Variants in DROSHA observed in about 807,000 individuals in gnomAD.
DROSHA encodes the protein drosha ribonuclease III.
Under a neutral mutation model 181.9 loss-of-function variants are expected in DROSHA, and 56 were observed. That is an observed-to-expected ratio of 0.31 (90% CI 0.25 to 0.38). The LOEUF (loss-of-function observed/expected upper bound fraction) is 0.38. DROSHA is among the 10% of genes least tolerant of loss of function. DROSHA has a pLI of 1.00. For missense variants in DROSHA, 1,218 were observed against 1,743.5 expected (o/e 0.70, Z 5.37); for synonymous variants, 524 against 591.2 (o/e 0.89, Z 1.65).
At chr5:31,446,446 C>CAAA (rs60001713) in intron 23 of DROSHA, among the ~76,000 whole-genome samples, 12 of 59,308 alleles carry the variant, frequency 2.0e-4, no homozygotes, top group South Asian at 1.6e-3. Context: ...GACTCTGTCT[C>CAAA]AAAAAAAAAA....
intron 33 of DROSHA, among the ~76,000 whole-genome samples, chr5:31,407,881 A>C (rs1740842838): frequency 6.6e-6 from 1 of 152,168 alleles, no homozygotes; most frequent in Non-Finnish European, 1.5e-5. Context: ...TCTGATGAGG[A>C]AATGCTATGA....
At chr5:31,437,761 G>A (rs766805567) in intron 23 of DROSHA, among the ~76,000 whole-genome samples, 17 of 152,008 alleles carry the variant, frequency 1.1e-4, no homozygotes, top group Non-Finnish European at 2.2e-4. Context: ...TGTAATCTAC[G>A]TTTTCAGTCT....
intron 4 of DROSHA, 97 bp downstream of exon 4, chr5:31,528,943 A>C: frequency 6.8e-7 from 1 of 1,476,524 alleles, no homozygotes; most frequent in Non-Finnish European, 9.3e-7. Context: ...CCCTCTCCCC[A>C]TGTATCTAAA....
chr5:31,404,586 A>G (rs149218185), intron 35 of DROSHA, among the ~76,000 whole-genome samples: 729 of 152,286 alleles, frequency 4.8e-3, no homozygotes, highest in Non-Finnish European at 8.7e-3. Flanking sequence ...GCATAATAGA[A>G]TTGCACTGTC....
intron 11 of DROSHA, among the ~76,000 whole-genome samples, chr5:31,501,543 C>A (rs1455121165): frequency 6.6e-6 from 1 of 152,006 alleles, no homozygotes; most frequent in Non-Finnish European, 1.5e-5. Flanking sequence ...CCTTAAGGAT[C>A]TGAAGGATAT....
chr5:31,453,638 C>G (rs1747295015), intron 20 of DROSHA, among the ~76,000 whole-genome samples: 1 of 152,184 alleles, frequency 6.6e-6, no homozygotes, highest in Admixed American at 6.5e-5. Context: ...CTACACTTTA[C>G]TTCCTTGCTT....
intron 9 of DROSHA, among the ~76,000 whole-genome samples, chr5:31,510,676 AG>A (rs1197163907): frequency 6.6e-6 from 1 of 152,198 alleles, no homozygotes; most frequent in Non-Finnish European, 1.5e-5. Context: ...TCATCAAACC[AG>A]GCGCACCTGG....
intron 13 of DROSHA, 104 bp from the exon 14 acceptor site, chr5:31,486,666 G>A (rs1457648700): frequency 1.1e-6 from 1 of 887,272 alleles, no homozygotes; most frequent in Non-Finnish European, 1.7e-6. Context: ...AAATGAGAAG[G>A]CTTCACCTTC....
At chr5:31,405,763 GATTC>G in intron 34 of DROSHA, 40 bp from the exon 35 acceptor site, 1 of 424,716 alleles carries the variant, frequency 2.4e-6, no homozygotes, top group Non-Finnish European at 3.7e-6. Flanking sequence ...TTAATTTCAA[GATTC>G]TTTTTTTTTT....
chr5:31,410,616 C>A, intron 31 of DROSHA, 130 bp downstream of exon 31: 2 of 1,334,750 alleles, frequency 1.5e-6, no homozygotes, highest in Non-Finnish European at 2.0e-6. Flanking sequence ...TGGTAAAAAG[C>A]ATAAAAAATT....
intron 16 of DROSHA, among the ~76,000 whole-genome samples, chr5:31,479,645 T>C (rs1750791355): frequency 6.6e-6 from 1 of 152,004 alleles, no homozygotes; most frequent in Non-Finnish European, 1.5e-5. Flanking sequence ...ACAAAAATCA[T>C]CAAGAAGATC....
chr5:31,493,172 G>C (rs377434547), intron 13 of DROSHA, 35 bp downstream of exon 13: 5 of 1,577,596 alleles, frequency 3.2e-6, no homozygotes, highest in Non-Finnish European at 4.3e-6. Flanking sequence ...GGAGGTACAA[G>C]GAAAGAGAAA....
intron 5 of DROSHA, among the ~76,000 whole-genome samples, chr5:31,522,695 T>C (rs1445513124): frequency 6.6e-6 from 1 of 152,188 alleles, no homozygotes; most frequent in African/African-American, 2.4e-5. Context: ...AGTTCTCCAG[T>C]AGCTACACAT....
At chr5:31,474,879 G>A (rs1280301317) in intron 16 of DROSHA, among the ~76,000 whole-genome samples, 1 of 152,176 alleles carries the variant, frequency 6.6e-6, no homozygotes, top group Admixed American at 6.5e-5. Context: ...ACCCAACCAC[G>A]ATGATGCCCT....
At chr5:31,415,884 C>A (rs551684226) in intron 30 of DROSHA, among the ~76,000 whole-genome samples, 1 of 152,168 alleles carries the variant, frequency 6.6e-6, no homozygotes, top group Admixed American at 6.5e-5. Flanking sequence ...CTACTGCATA[C>A]ACCAACCTAA....
intron 20 of DROSHA, among the ~76,000 whole-genome samples, chr5:31,459,241 T>C (rs1748059715): frequency 6.6e-6 from 1 of 152,028 alleles, no homozygotes; most frequent in African/African-American, 2.4e-5. Flanking sequence ...TAATAAAATA[T>C]AATACTAGCC....
At chr5:31,405,386 A>AG (rs993389841) in intron 35 of DROSHA, among the ~76,000 whole-genome samples, 1 of 151,910 alleles carries the variant, frequency 6.6e-6, no homozygotes, top group African/African-American at 2.4e-5. Flanking sequence ...AAAAAAAAAA[A>AG]AAAGAAAGAA....
chr5:31,410,539 T>C (rs1248115626), intron 31 of DROSHA, among the ~76,000 whole-genome samples: 1 of 152,192 alleles, frequency 6.6e-6, no homozygotes, highest in Non-Finnish European at 1.5e-5. Context: ...CCACTGAACA[T>C]AGATTGAACA....
chr5:31,502,905 T>G (rs568783281), intron 11 of DROSHA, among the ~76,000 whole-genome samples: 85 of 152,232 alleles, frequency 5.6e-4, no homozygotes, highest in African/African-American at 1.9e-3. Flanking sequence ...AGAAGTGGCC[T>G]GAAGTTAGAA....
Sources: gnomAD v4.1 joint callset for allele counts (sites outside exome capture counted in the v4.1 genomes callset) on GRCh38, gnomAD v4.1.1 for gene constraint, MANE v1.5 for transcripts, NCBI Gene and HGNC (gene_info 2026-07-23, HGNC 2026-07-21) for gene names.